Variants in PSG4 observed in about 807,000 individuals in gnomAD.
The protein encoded by PSG4 is pregnancy-specific beta-1-glycoprotein 4.
In PSG4, 61 loss-of-function variants were observed where a neutral mutation model predicts 44.3. The observed-to-expected ratio is 1.38, with a 90% CI of 1.12 to 1.70. PSG4 has a LOEUF of 1.70. Ranked by LOEUF, PSG4 falls within the 40% of genes most tolerant of loss-of-function variation. PSG4 has a pLI of 0.00. For synonymous variants in PSG4, 248 were observed against 191.3 expected (o/e 1.30, Z -2.45); for missense variants, 677 against 511.7 (o/e 1.32, Z -3.12).
At chr19:43,196,385 G>A (rs1230684168) in intron 3 of PSG4, 2 of 151,586 alleles carry the variant, frequency 1.3e-5, no homozygotes, top group Admixed American at 6.6e-5. Flanking sequence ...GGAGGTTCTG[G>A]AGATCTGCTG....
Position 43,202,873 on chromosome 19 carries a change from C to G in PSG4, c.430+1013G>C, listed in dbSNP as rs956776306. On this transcript the variant is annotated intron_variant, in intron 2 of 5. Coordinates refer to ENST00000405312, the MANE Select transcript of PSG4 (RefSeq NM_002780.5). ...TATGGGGTGCTTGGAACCCAGTAAG[C>G]CCTCACTTCTGGTGGAGGAGAGGAA... Among the ~76,000 whole-genome samples, 3 of 144,538 alleles carry G rather than the reference C, an allele frequency of 2.1e-5. 1 individual carries two copies. The highest frequency in any genetic ancestry group is 8.0e-5 in the African/African-American group (3 of 37,420). The allele number at this position is 144,538 out of a possible 152,430, so 94.8% of individuals were successfully genotyped here.
In PSG4 at chr19:43,195,113, A is replaced by C. The variant is rs568148517; in HGVS notation, c.870T>G (p.Ile290Met). 2 of 1,610,752 alleles carry C rather than the reference A, an allele frequency of 1.2e-6. No homozygotes were observed. Among genetic ancestry groups the C allele is most frequent in the African/African-American group, 2.7e-5 (2 of 74,572 alleles). ...TGGGTAGAATGAGGATCCTGTTTTCAATGGGTCGCTTTACCCTGGGACTGA... is the reference window on the plus strand; with the variant it reads ...TGGGTAGAATGAGGATCCTGTTTTCCATGGGTCGCTTTACCCTGGGACTGA... The part of the protein sequence containing the change: ...LPVSPRVKRP[I>M]ENRILILPNV... The change falls in exon 4 of 6, where the codon ATT becomes ATG. Residue 290 changes from isoleucine to methionine, a missense_variant. Physicochemically the swap from Ile to Met is conservative, Grantham distance 10. Coordinates refer to ENST00000405312, the MANE Select transcript of PSG4 (RefSeq NM_002780.5).
chr19:43,197,142 T>A lies in PSG4; in HGVS notation c.709+855A>T. Among the ~76,000 whole-genome samples the A allele has an allele frequency of 1.4e-5, 2 of 145,826 alleles. 1 individual carries two copies. Among genetic ancestry groups the A allele is most frequent in the Non-Finnish European group, 3.0e-5 (2 of 67,230 alleles). On this transcript the variant is annotated intron_variant, in intron 3 of 5. Transcript: ENST00000405312. ...CCTTAATTTCCTTTCAGATTGTTCA[T>A]TGTTAGTGTATAGTCTAAAGAATGA...
rs1292761629 is a variant in PSG4 at position 43,195,221 on chromosome 19, A to C, written c.762T>G (p.Asn254Lys). 3 of 1,610,320 alleles carry C rather than the reference A, an allele frequency of 1.9e-6. No individual in the cohort carries two copies. The highest frequency in any genetic ancestry group is 2.2e-5 in the East Asian group (1 of 44,872). Reference protein sequence around the residue: ...ITINNLNPRENKDVLTFTCEP... With the variant: ...ITINNLNPREKKDVLTFTCEP... ...CACAGGTGAAGGTTAAGACATCCTT[A>C]TTCTCTCTGGGGTTTAAGTTGTTGA... is the stretch of plus-strand genomic sequence containing the variant. The change falls in exon 4 of 6, where the codon AAT becomes AAG. Residue 254 changes from asparagine (N) to lysine (K), a missense_variant. Transcript: ENST00000405312.
intron 4 of PSG4, 56 bp downstream of exon 4, chr19:43,194,939 T>C: frequency 1.3e-6 from 2 of 1,596,430 alleles, no homozygotes; most frequent in South Asian, 1.1e-5. Flanking sequence ...ACCTGGCCTC[T>C]GGTGGTTTGG....
chr19:43,194,867 A>T, intron 4 of PSG4, 128 bp downstream of exon 4: 1 of 1,528,166 alleles, frequency 6.5e-7, no homozygotes, highest in Non-Finnish European at 8.8e-7. Context: ...GCAGGGAGTC[A>T]TGGCCACCTC....
intron 2 of PSG4, among the ~76,000 whole-genome samples, chr19:43,199,357 C>G (rs144520363): frequency 0.012 from 1,691 of 145,446 alleles, 302 homozygotes; most frequent in Admixed American, 0.083. Context: ...TGTGCATTTT[C>G]AGTTATGCAG....
intron 4 of PSG4, 149 bp downstream of exon 4, chr19:43,194,846 G>A (rs1311841589): frequency 2.7e-6 from 4 of 1,498,896 alleles, no homozygotes; most frequent in Non-Finnish European, 3.6e-6. Flanking sequence ...GCCTACCTAG[G>A]TTTTCCCAGG....
chr19:43,204,000 A>T lies in PSG4; in HGVS notation c.316T>A (p.Ser106Thr). ...TGCGTGACATTCTGGATCAGCAGGG[A>T]TGCATTGGAATATACTCTTTCTCTT... ...SGRERVYSNA[S>T]LLIQNVTQED... Residue 106 changes from serine to threonine, a missense_variant, in exon 2 of 6, where the codon TCC becomes ACC. Coordinates refer to ENST00000405312, the MANE Select transcript of PSG4 (RefSeq NM_002780.5). 6.3e-7 allele frequency: 1 copy of T among 1,587,838 alleles called. No individual in the cohort carries two copies. The highest frequency in any genetic ancestry group is 1.1e-5 in the South Asian group (1 of 89,964).
rs1967083906 is a variant in PSG4, at chr19:43,193,114, C to T, written c.*258G>A. On this transcript the variant is annotated 3_prime_UTR_variant, in exon 6 of 6. Coordinates refer to ENST00000405312, the MANE Select transcript of PSG4 (RefSeq NM_002780.5). ...TGGGAGCCTTATCATGATGGGGAGTCTTGTTCTGACATCTTTGGAAAAACT... is the reference window on the plus strand; with the variant it reads ...TGGGAGCCTTATCATGATGGGGAGTTTTGTTCTGACATCTTTGGAAAAACT... The T allele has an allele frequency of 9.9e-5, 64 of 649,038 alleles. 2 individuals are homozygous for T. In the South Asian group the frequency reaches 1.1e-3, roughly 11 times the overall value. The allele number at this position is 649,038 out of a possible 1,614,324, so 40.2% of individuals were successfully genotyped here.
At position 43,204,694 on chromosome 19, in the gene PSG4, T is replaced by TCCCCTC. The variant is rs558525472; in HGVS notation, c.65-444_65-443insGAGGGG. 1.4e-4 allele frequency: 22 copies of TCCCCTC among 151,834 alleles called. 1 individual carries two copies. The highest frequency in any genetic ancestry group is 2.0e-4 in the Admixed American group (2 of 10,098). 9.4% of individuals were successfully genotyped at this position (151,834 alleles called of 1,614,324 possible). A position where few individuals can be genotyped will look rare whatever the true frequency, so the allele number is the denominator to read the frequency against. On this transcript the variant is annotated intron_variant, in intron 1 of 5. Coordinates refer to ENST00000405312, the MANE Select transcript of PSG4 (RefSeq NM_002780.5). ...TCTAGATCACTTAGCATGTCTGTCT[T>TCCCCTC]CCCCCCACGATGACTGTGTGAGCTC...
Position 43,193,174 on chromosome 19 carries a change from G to A in PSG4, c.*198C>T. 1 of 737,632 alleles carries A rather than the reference G, an allele frequency of 1.4e-6. No homozygotes were observed. The highest frequency in any genetic ancestry group is 2.5e-6 in the Non-Finnish European group (1 of 403,034). 45.7% of individuals were successfully genotyped at this position (737,632 alleles called of 1,614,324 possible). On this transcript the variant is annotated 3_prime_UTR_variant, in exon 6 of 6. Coordinates refer to ENST00000405312, the MANE Select transcript of PSG4 (RefSeq NM_002780.5). ...GTGAAGTCATCAACTTGTTATCCTGGTTTACAGTTTGAGTAGCTGTTGTTA... is the reference window on the plus strand; with the variant it reads ...GTGAAGTCATCAACTTGTTATCCTGATTTACAGTTTGAGTAGCTGTTGTTA...
At position 43,205,629 on chromosome 19, in the gene PSG4, C is replaced by T. The variant is rs1568392926; in HGVS notation, c.-93G>A. The T allele has an allele frequency of 3.8e-6, 5 of 1,332,912 alleles. 1 individual carries two copies. The highest frequency in any genetic ancestry group is 4.0e-6 in the Non-Finnish European group (4 of 1,001,376). 82.6% of individuals were successfully genotyped at this position (1,332,912 alleles called of 1,614,324 possible). On this transcript the variant is annotated 5_prime_UTR_variant, in exon 1 of 6. Coordinates refer to ENST00000405312, the MANE Select transcript of PSG4 (RefSeq NM_002780.5). ...GCTGTCAGCTGTGCTGTCCTTCCTC[C>T]TTCTGTGCTGAGCCTCCTCCCGGGG... is the stretch of plus-strand genomic sequence containing the variant.
At chr19:43,193,871 T>C (rs1967111849) in intron 5 of PSG4, 1 of 656,676 alleles carries the variant, frequency 1.5e-6, no homozygotes, top group Non-Finnish European at 2.8e-6. Context: ...TGTATTACCA[T>C]AAACATATCA....
intron 3 of PSG4, among the ~76,000 whole-genome samples, chr19:43,196,156 T>C (rs549574307): frequency 5.7e-4 from 87 of 151,806 alleles, no homozygotes; most frequent in Non-Finnish European, 1.1e-3. Flanking sequence ...ATGGACCATG[T>C]GTGTTTGATG....
At chr19:43,197,721 C>T (rs868607215) in intron 3 of PSG4, 7 of 655,516 alleles carry the variant, frequency 1.1e-5, no homozygotes, top group Non-Finnish European at 1.4e-5. Flanking sequence ...CAAATCCCCG[C>T]TGTGTTCACT....
chr19:43,201,848 G>A (rs1236263398), intron 2 of PSG4, among the ~76,000 whole-genome samples: 3 of 134,224 alleles, frequency 2.2e-5, no homozygotes, highest in Non-Finnish European at 4.7e-5. Context: ...TGTGCAGAAG[G>A]CCAGAAGAAC....
In PSG4 at chr19:43,194,430, T is replaced by C. The variant is rs769911683; in HGVS notation, c.1153A>G (p.Thr385Ala). Residue 385 changes from threonine to alanine, a missense_variant, in exon 5 of 6, where the codon ACT becomes GCT. By Grantham distance (58) the Thr-to-Ala change is moderately conservative. Transcript: ENST00000405312. ...GCATAGAGCCCACTATGCTTTGTAG[T>C]TATTTGGGGGATAGAGAGCTTTTGT... is the stretch of plus-strand genomic sequence containing the variant. ...SGQKLSIPQI[T>A]TKHSGLYACS... 1.2e-6 allele frequency: 2 copies of C among 1,612,326 alleles called. No individual in the cohort carries two copies. The highest frequency in any genetic ancestry group is 1.1e-5 in the South Asian group (1 of 91,034).
At chr19:43,204,926 AT>A in intron 1 of PSG4, 1 of 313,150 alleles carries the variant, frequency 3.2e-6, no homozygotes, top group Non-Finnish European at 6.1e-6. Context: ...TATTGTTATC[AT>A]TTTTCAAAAT....
Sources: gnomAD v4.1 joint callset for allele counts (sites outside exome capture counted in the v4.1 genomes callset) on GRCh38, gnomAD v4.1.1 for gene constraint, MANE v1.5 for transcripts, NCBI Gene and HGNC (gene_info 2026-07-23, HGNC 2026-07-21) for gene names.